KALRN: variants seen among roughly 807,000 people sequenced by gnomAD.
KALRN encodes the protein kalirin RhoGEF kinase, also known as kalirin.
Under a neutral mutation model 353.7 loss-of-function variants are expected in KALRN, and 70 were observed. The ratio of observed to expected loss-of-function variants is 0.20; its 90% confidence interval spans 0.16 to 0.24. The LOEUF (loss-of-function observed/expected upper bound fraction) is 0.24, where lower values mean the gene tolerates loss of function less well. Ranked by LOEUF, KALRN falls within the 10% of genes least tolerant of loss-of-function variation. KALRN has a pLI of 1.00. For missense variants in KALRN, 2,791 were observed against 3,756.7 expected (o/e 0.74, Z 6.72); for synonymous variants, 1,391 against 1,434.8 (o/e 0.97, Z 0.69).
At chr3:124,044,530 C>T (rs1306706431) in intron 1 of KALRN, among the ~76,000 whole-genome samples, 1 of 150,974 alleles carries the variant, frequency 6.6e-6, no homozygotes, top group Admixed American at 6.6e-5. Context: ...AGAAGAATCA[C>T]TTGAACCCAG....
At chr3:124,568,093 A>T (rs767310701) in intron 34 of KALRN, among the ~76,000 whole-genome samples, 19 of 152,340 alleles carry the variant, frequency 1.2e-4, no homozygotes, top group African/African-American at 4.6e-4. Flanking sequence ...ATACTTAAAG[A>T]TGTATTAGAA....
intron 19 of KALRN, among the ~76,000 whole-genome samples, chr3:124,442,824 A>G (rs966942089): frequency 5.9e-5 from 9 of 152,120 alleles, no homozygotes; most frequent in Non-Finnish European, 1.2e-4. Context: ...ATCTCTACAA[A>G]AAATTAAAAA....
chr3:124,280,073 T>TAACC (rs1451182660), intron 5 of KALRN, among the ~76,000 whole-genome samples: 17 of 152,308 alleles, frequency 1.1e-4, no homozygotes, highest in African/African-American at 3.9e-4. Context: ...GTCCATGGAA[T>TAACC]AACCAGTGGA....
chr3:124,707,420 T>A (rs2062680157), intron 57 of KALRN, among the ~76,000 whole-genome samples: 2 of 150,388 alleles, frequency 1.3e-5, no homozygotes, highest in African/African-American at 2.4e-5. Flanking sequence ...CTTCCTTCCT[T>A]CCTTCCTTCC....
intron 44 of KALRN, among the ~76,000 whole-genome samples, chr3:124,661,484 T>C (rs1158308592): frequency 6.6e-6 from 1 of 152,204 alleles, no homozygotes; most frequent in Non-Finnish European, 1.5e-5. Context: ...TGAAAACCTC[T>C]AGTGTTTCAC....
At chr3:124,187,166 T>A (rs2074335380) in intron 1 of KALRN, among the ~76,000 whole-genome samples, 1 of 152,158 alleles carries the variant, frequency 6.6e-6, no homozygotes, top group Admixed American at 6.5e-5. Flanking sequence ...CTGCAAACTC[T>A]TCATCCTGGT....
At chr3:124,511,030 GT>G (rs1259007327) in intron 33 of KALRN, among the ~76,000 whole-genome samples, 1 of 152,040 alleles carries the variant, frequency 6.6e-6, no homozygotes, top group African/African-American at 2.4e-5. Flanking sequence ...AAACAGGCTG[GT>G]TTTCATATCT....
chr3:124,563,353 C>A (rs761454279), intron 34 of KALRN, among the ~76,000 whole-genome samples: 2 of 152,220 alleles, frequency 1.3e-5, no homozygotes, highest in African/African-American at 2.4e-5. Flanking sequence ...TAAGTAACCT[C>A]CAAGATCTCT....
intron 33 of KALRN, among the ~76,000 whole-genome samples, chr3:124,505,879 T>C (rs2065160027): frequency 6.6e-6 from 1 of 152,194 alleles, no homozygotes; most frequent in South Asian, 2.1e-4. Context: ...AACTCTTTTT[T>C]GTGATCTTGA....
chr3:124,655,361 A>G (rs1049839453), intron 38 of KALRN, among the ~76,000 whole-genome samples: 17 of 152,102 alleles, frequency 1.1e-4, no homozygotes, highest in African/African-American at 4.1e-4. Flanking sequence ...ACTGAGCGTC[A>G]TTTTTCGTGT....
intron 34 of KALRN, among the ~76,000 whole-genome samples, chr3:124,612,386 A>G (rs1237246259): frequency 6.6e-6 from 1 of 152,156 alleles, no homozygotes; most frequent in Non-Finnish European, 1.5e-5. Context: ...TATTTTTAGT[A>G]GACATGGGGT....
At chr3:124,182,866 GT>G (rs2150223074) in intron 1 of KALRN, among the ~76,000 whole-genome samples, 1 of 152,282 alleles carries the variant, frequency 6.6e-6, no homozygotes, top group African/African-American at 2.4e-5. Flanking sequence ...CTTCACATCT[GT>G]TCTTCCTCAT....
At chr3:124,399,397 C>CA (rs1383016184) in intron 13 of KALRN, among the ~76,000 whole-genome samples, 1 of 152,188 alleles carries the variant, frequency 6.6e-6, no homozygotes, top group Non-Finnish European at 1.5e-5. Flanking sequence ...CTCAGCCTTC[C>CA]AAAGTGCTGG....
chr3:124,490,896 A>T lies in KALRN; in HGVS notation c.4587+12A>T, dbSNP rs2063080774. 1 of 1,601,582 alleles carries T rather than the reference A, an allele frequency of 6.2e-7. No homozygotes were observed. The highest frequency in any genetic ancestry group is 1.1e-5 in the South Asian group (1 of 90,160). The stretch of plus-strand genomic sequence containing the variant: ...AGAACAAGCTACTGGTAGGTGGGGC[A>T]GGTGGGGTAAGACAAGACTCCCTGC... On this transcript the variant is annotated intron_variant, in intron 30 of 59. Transcript: ENST00000682506.
intron 1 of KALRN, among the ~76,000 whole-genome samples, chr3:124,115,834 A>G (rs2063406398): frequency 1.3e-5 from 2 of 152,148 alleles, no homozygotes; most frequent in Admixed American, 6.5e-5. Context: ...CATAAATACC[A>G]GAAGCTTCAT....
At chr3:124,494,112 T>C (rs1401730265) in intron 32 of KALRN, among the ~76,000 whole-genome samples, 1 of 152,214 alleles carries the variant, frequency 6.6e-6, no homozygotes, top group African/African-American at 2.4e-5. Flanking sequence ...CTTTTTCCTA[T>C]AGTAGGAGAG....
intron 27 of KALRN, 138 bp from the exon 28 acceptor site, chr3:124,482,670 A>G (rs2062108711): frequency 1.1e-5 from 7 of 626,578 alleles, no homozygotes; most frequent in African/African-American, 5.5e-5. Flanking sequence ...CCCTCTCCCT[A>G]TGAAAGAACA....
intron 10 of KALRN, among the ~76,000 whole-genome samples, chr3:124,370,135 C>T (rs1403400866): frequency 6.6e-6 from 1 of 152,144 alleles, no homozygotes; most frequent in Non-Finnish European, 1.5e-5. Flanking sequence ...ATGCTACCAG[C>T]CATTTAGTCC....
intron 6 of KALRN, among the ~76,000 whole-genome samples, chr3:124,304,390 T>C (rs1006460825): frequency 6.6e-6 from 1 of 152,116 alleles, no homozygotes; most frequent in African/African-American, 2.4e-5. Flanking sequence ...TCTCTGGGAG[T>C]AGGACCCCAG....
Sources: gnomAD v4.1 joint callset for allele counts (sites outside exome capture counted in the v4.1 genomes callset) on GRCh38, gnomAD v4.1.1 for gene constraint, MANE v1.5 for transcripts, NCBI Gene and HGNC (gene_info 2026-07-23, HGNC 2026-07-21) for gene names.